Variants in CDH13 observed in about 807,000 individuals in gnomAD.
CDH13 encodes the protein cadherin-13.
Under a neutral mutation model 63.8 loss-of-function variants are expected in CDH13, and 24 were observed. The observed-to-expected ratio is 0.38, with a 90% CI of 0.27 to 0.53. The LOEUF is 0.53. CDH13 is among the 20% of genes least tolerant of loss of function. The pLI is 0.85. For missense variants in CDH13, 1,049 were observed against 903.1 expected, an observed-to-expected ratio of 1.16 and a Z score of -2.07; for synonymous variants, 503 against 355.3, an observed-to-expected ratio of 1.42 and a Z score of -4.67.
intron 2 of CDH13, among the ~76,000 whole-genome samples, chr16:82,933,801 G>T (rs938074507): frequency 2.6e-5 from 4 of 152,206 alleles, no homozygotes; most frequent in Non-Finnish European, 5.9e-5. Flanking sequence ...ATCCAACAAG[G>T]CAGTAATTAA....
At chr16:83,232,453 A>T (rs962833944) in intron 5 of CDH13, among the ~76,000 whole-genome samples, 5 of 151,466 alleles carry the variant, frequency 3.3e-5, no homozygotes, top group Admixed American at 2.0e-4. Context: ...TGAACCTGGG[A>T]GGCAGAAGTT....
At chr16:83,007,455 G>T (rs1913648916) in intron 2 of CDH13, among the ~76,000 whole-genome samples, 2 of 152,310 alleles carry the variant, frequency 1.3e-5, no homozygotes, top group South Asian at 2.1e-4. Context: ...TCAAATCTGA[G>T]CTCTGATTCC....
chr16:83,370,600 T>G (rs2091349347), intron 6 of CDH13, among the ~76,000 whole-genome samples: 2 of 152,270 alleles, frequency 1.3e-5, no homozygotes, highest in Middle Eastern at 3.4e-3. Flanking sequence ...GGTAGTTTTT[T>G]TGTTCTCACC....
chr16:82,832,136 C>T (rs2038567748), intron 1 of CDH13, among the ~76,000 whole-genome samples: 1 of 152,152 alleles, frequency 6.6e-6, no homozygotes, highest in Non-Finnish European at 1.5e-5. Flanking sequence ...GAAGATGTTA[C>T]TGTTGACCCT....
intron 8 of CDH13, among the ~76,000 whole-genome samples, chr16:83,644,975 T>C (rs1310332795): frequency 6.6e-6 from 1 of 152,170 alleles, no homozygotes; most frequent in African/African-American, 2.4e-5. Flanking sequence ...CGCTTGGACT[T>C]CAAACCTACA....
At chr16:83,075,126 C>A (rs905769727) in intron 3 of CDH13, among the ~76,000 whole-genome samples, 2 of 152,084 alleles carry the variant, frequency 1.3e-5, no homozygotes, top group Non-Finnish European at 2.9e-5. Context: ...TTAGAGAGTC[C>A]CCAGTAGGAT....
intron 5 of CDH13, among the ~76,000 whole-genome samples, chr16:83,328,322 A>T (rs2090412357): frequency 6.6e-6 from 1 of 152,180 alleles, no homozygotes. Flanking sequence ...GTGAAATAAA[A>T]ATTAGCTTAG....
chr16:83,691,904 A>G (rs1904932306), intron 10 of CDH13, among the ~76,000 whole-genome samples: 1 of 152,146 alleles, frequency 6.6e-6, no homozygotes, highest in African/African-American at 2.4e-5. Context: ...CTGTTCCCTG[A>G]GCCTTCTGCA....
intron 4 of CDH13, among the ~76,000 whole-genome samples, chr16:83,185,848 A>T (rs920112668): frequency 6.6e-6 from 1 of 152,188 alleles, no homozygotes; most frequent in African/African-American, 2.4e-5. Context: ...ATGCATTTGA[A>T]ACATTTTTTA....
At chr16:83,276,038 G>T (rs1005382428) in intron 5 of CDH13, among the ~76,000 whole-genome samples, 1 of 152,108 alleles carries the variant, frequency 6.6e-6, no homozygotes, top group Non-Finnish European at 1.5e-5. Flanking sequence ...GAGTTAATTA[G>T]AACCTGAACA....
chr16:83,646,820 C>T (rs1911864549), intron 8 of CDH13, among the ~76,000 whole-genome samples: 1 of 151,670 alleles, frequency 6.6e-6, no homozygotes, highest in Admixed American at 6.6e-5. Context: ...AACCGCAGAG[C>T]CATGAGACCT....
intron 10 of CDH13, among the ~76,000 whole-genome samples, chr16:83,679,420 T>C (rs1915223133): frequency 6.6e-6 from 1 of 152,240 alleles, no homozygotes; most frequent in South Asian, 2.1e-4. Flanking sequence ...CTGATTTTCC[T>C]GATTTGAAAC....
chr16:82,655,873 C>A (rs1911236320), intron 1 of CDH13, among the ~76,000 whole-genome samples: 2 of 152,076 alleles, frequency 1.3e-5, no homozygotes, highest in Admixed American at 1.3e-4. Context: ...GGTCATGGCT[C>A]ACTACTCAAG....
At chr16:82,889,555 A>G (rs1012884015) in intron 2 of CDH13, among the ~76,000 whole-genome samples, 3 of 152,242 alleles carry the variant, frequency 2.0e-5, no homozygotes, top group African/African-American at 7.2e-5. Context: ...GCCAAAGCAA[A>G]GAGTACAATT....
At chr16:82,763,476 G>A (rs1040420073) in intron 1 of CDH13, among the ~76,000 whole-genome samples, 1 of 152,082 alleles carries the variant, frequency 6.6e-6, no homozygotes, top group East Asian at 1.9e-4. Context: ...ACTGTTTGCT[G>A]AATGAAAGAA....
At chr16:83,256,378 T>C (rs118060316) in intron 5 of CDH13, among the ~76,000 whole-genome samples, 372 of 152,190 alleles carry the variant, frequency 2.4e-3, no homozygotes, top group Non-Finnish European at 3.6e-3. Flanking sequence ...AAGAAATTAA[T>C]TCCCTGAGAT....
chr16:83,762,664 G>C (rs976103670), intron 11 of CDH13, among the ~76,000 whole-genome samples: 2 of 152,190 alleles, frequency 1.3e-5, no homozygotes, highest in East Asian at 1.9e-4. Context: ...GAAAGGCATC[G>C]TTGGCCGCTG....
At chr16:82,741,119 A>G (rs1441207112) in intron 1 of CDH13, among the ~76,000 whole-genome samples, 2 of 152,036 alleles carry the variant, frequency 1.3e-5, no homozygotes, top group African/African-American at 4.8e-5. Flanking sequence ...CTTTCCTTCC[A>G]CTTTCACAAC....
chr16:82,953,773 G>A (rs1905636639), intron 2 of CDH13: 1 of 152,098 alleles, frequency 6.6e-6, no homozygotes, highest in Non-Finnish European at 1.5e-5. Context: ...ATGTAGGAAA[G>A]CCAAGACAGG....
Sources: allele counts gnomAD v4.1 joint callset (sites outside exome capture counted in the v4.1 genomes callset), GRCh38; gene constraint gnomAD v4.1.1; transcripts MANE v1.5; gene names NCBI Gene and HGNC (gene_info 2026-07-23, HGNC 2026-07-21).